The following LRRFIP1 variants were observed in gnomAD, a reference collection of about 807,000 sequenced individuals.
LRRFIP1 encodes leucine-rich repeat flightless-interacting protein 1.
LRRFIP1 carries 62 observed loss-of-function variants against 104.4 expected under a neutral mutation model. That is an observed-to-expected ratio of 0.59 (90% CI 0.48 to 0.73). The LOEUF is 0.73. Ranked by LOEUF, LRRFIP1 falls within the 30% of genes least tolerant of loss-of-function variation. The pLI, the probability that LRRFIP1 is intolerant of heterozygous loss-of-function variation, is 0.00. For synonymous variants in LRRFIP1, 300 were observed against 299.0 expected (o/e 1.00, Z -0.03); for missense variants, 796 against 824.5 (o/e 0.97, Z 0.42).
chr2:237,750,683 G>A (rs1194770036), intron 13 of LRRFIP1, among the ~76,000 whole-genome samples: 1 of 152,092 alleles, frequency 6.6e-6, no homozygotes, highest in Admixed American at 6.5e-5. Flanking sequence ...CGGCAGTCCT[G>A]ATGTTTCTCT....
Position 237,751,232 on chromosome 2 carries a change from T to A in LRRFIP1, c.828T>A (p.Asp276Glu). 3 of 1,610,794 alleles carry A rather than the reference T, an allele frequency of 1.9e-6. No individual in the cohort carries two copies. The highest frequency in any genetic ancestry group is 2.5e-6 in the Non-Finnish European group (3 of 1,178,576). The change falls in exon 14 of 24, where the codon GAT becomes GAA. Residue 276 changes from aspartate (D) to glutamate (E), a missense_variant. By Grantham distance (45) the Asp-to-Glu change is conservative. Coordinates refer to ENST00000308482, the MANE Select transcript of LRRFIP1 (RefSeq NM_001137550.2). ...ELNELKDQIQ[D>E]VEGKYMQGLK... ...ATGAGTTAAAGGACCAGATTCAGGATGTAGAAGGCAAATACATGCAGGGAT... is the reference window on the plus strand; with the variant it reads ...ATGAGTTAAAGGACCAGATTCAGGAAGTAGAAGGCAAATACATGCAGGGAT...
intron 11 of LRRFIP1, among the ~76,000 whole-genome samples, chr2:237,742,721 A>T (rs1370034289): frequency 2.0e-5 from 3 of 152,192 alleles, no homozygotes; most frequent in Non-Finnish European, 4.4e-5. Flanking sequence ...GGCCTTGTTG[A>T]TGGGAAGAAG....
chr2:237,776,313 T>C (rs1035626375), intron 23 of LRRFIP1, among the ~76,000 whole-genome samples: 3 of 152,232 alleles, frequency 2.0e-5, no homozygotes, highest in Admixed American at 1.3e-4. Flanking sequence ...GTCCCTGTTA[T>C]ACCTGGTCTT....
rs1446128370 is a variant in LRRFIP1 at position 237,720,760 on chromosome 2, T to G, written c.295-12T>G. The G allele has an allele frequency of 6.2e-7, 1 of 1,613,436 alleles. No individual in the cohort carries two copies. The highest frequency in any genetic ancestry group is 1.3e-5 in the African/African-American group (1 of 74,916). On this transcript the variant is annotated splice_polypyrimidine_tract_variant and intron_variant, in intron 5 of 23. Coordinates refer to ENST00000308482, the MANE Select transcript of LRRFIP1 (RefSeq NM_001137550.2). ...ATTCCTTCACGGTTGTTCTCGTCCT[T>G]TCTTTTAATAGGCTTCTGATGAAGA...
chr2:237,778,809 C>T (rs1011753602), intron 23 of LRRFIP1, among the ~76,000 whole-genome samples: 10 of 151,850 alleles, frequency 6.6e-5, no homozygotes, highest in African/African-American at 1.7e-4. Flanking sequence ...CTCAGCTACT[C>T]AGGAGGCTGA....
chr2:237,738,933 G>A (rs1315069630), intron 10 of LRRFIP1, among the ~76,000 whole-genome samples: 5 of 152,222 alleles, frequency 3.3e-5, no homozygotes, highest in African/African-American at 1.2e-4. Flanking sequence ...GTGACTTTCT[G>A]TGTCTACACT....
intron 1 of LRRFIP1, among the ~76,000 whole-genome samples, chr2:237,700,423 A>G (rs2093451626): frequency 6.6e-6 from 1 of 152,198 alleles, no homozygotes; most frequent in Non-Finnish European, 1.5e-5. Context: ...CTTGAATTAC[A>G]TCCTTAACAC....
chr2:237,755,130 T>C (rs574314607), intron 15 of LRRFIP1, among the ~76,000 whole-genome samples: 1 of 152,278 alleles, frequency 6.6e-6, no homozygotes, highest in South Asian at 2.1e-4. Flanking sequence ...CAAAGTGAGT[T>C]GGGTCTCAGG....
intron 11 of LRRFIP1, among the ~76,000 whole-genome samples, chr2:237,744,184 G>A (rs754218220): frequency 8.5e-5 from 13 of 152,176 alleles, no homozygotes; most frequent in Admixed American, 2.6e-4. Context: ...ACCAAAAACC[G>A]TCACCCTAGT....
intron 8 of LRRFIP1, chr2:237,729,947 T>G: frequency 4.2e-6 from 2 of 472,018 alleles, no homozygotes; most frequent in Non-Finnish European, 5.5e-6. Flanking sequence ...TTTCGGTGTC[T>G]GTTTGACGGA....
chr2:237,711,786 A>C lies in LRRFIP1; in HGVS notation c.184-2473A>C, dbSNP rs1177456055. ...TGAGGACACCGAGTGAAGCAGCTCT[A>C]CCGGGGGGTGGGGAAGCCACTCCTT... is the stretch of plus-strand genomic sequence containing the variant. On this transcript the variant is annotated intron_variant, in intron 2 of 23. Coordinates refer to ENST00000308482, the MANE Select transcript of LRRFIP1 (RefSeq NM_001137550.2). The surrounding 1 kb of genome is among the most constrained non-coding windows in gnomAD (Gnocchi z 4.4). 1.8e-4 allele frequency among the ~76,000 whole-genome samples: 28 copies of C among 152,022 alleles called. No homozygotes were observed. Among genetic ancestry groups the C allele is most frequent in the Admixed American group, 1.8e-3 (28 of 15,276 alleles).
At chr2:237,715,314 G>A (rs1453756025) in intron 3 of LRRFIP1, among the ~76,000 whole-genome samples, 1 of 152,172 alleles carries the variant, frequency 6.6e-6, no homozygotes, top group Non-Finnish European at 1.5e-5. Flanking sequence ...TGCAGCTGGA[G>A]TTCCTGGTCG....
Position 237,631,033 on chromosome 2 carries a change from G to C in LRRFIP1, c.96+3293G>C, listed in dbSNP as rs544951356. ...TAGGGGCTCAGTGCCTGTGGCAAAGGGGGGTGGGTCTACCCTGTGACCTGT... is the reference window on the plus strand; with the variant it reads ...TAGGGGCTCAGTGCCTGTGGCAAAGCGGGGTGGGTCTACCCTGTGACCTGT... On this transcript the variant is annotated intron_variant, in intron 1 of 23. Coordinates refer to ENST00000308482, the MANE Select transcript of LRRFIP1 (RefSeq NM_001137550.2). Among the ~76,000 whole-genome samples the C allele has an allele frequency of 2.6e-5, 4 of 152,356 alleles. No homozygotes were observed. In the South Asian group the frequency reaches 6.2e-4, roughly 24 times the overall value.
intron 1 of LRRFIP1, among the ~76,000 whole-genome samples, chr2:237,679,957 T>C (rs911375341): frequency 6.6e-6 from 1 of 152,114 alleles, no homozygotes; most frequent in Non-Finnish European, 1.5e-5. Context: ...CAATGTTGCA[T>C]GTAGGAATAA....
In LRRFIP1 at chr2:237,726,594, C is replaced by T. The variant is rs112683905; in HGVS notation, c.385-1282C>T. Among the ~76,000 whole-genome samples, 370 of 152,252 alleles carry T rather than the reference C, an allele frequency of 2.4e-3. 5 individuals are homozygous for T. The highest frequency in any genetic ancestry group is 8.6e-3 in the African/African-American group (357 of 41,538). Reference sequence around the variant, plus strand: ...GTATTTATTATTATGCACATTTTCACGGCTGAGAAAACAGATGTTCAAGTG... The same window carrying T: ...GTATTTATTATTATGCACATTTTCATGGCTGAGAAAACAGATGTTCAAGTG... On this transcript the variant is annotated intron_variant, in intron 7 of 23. Transcript: ENST00000308482.
At position 237,661,214 on chromosome 2, in the gene LRRFIP1, A is replaced by G. The variant is rs1341939702; in HGVS notation, c.96+33474A>G. ...ATCCTGGGCAGAAGCCCCTGAAGTG[A>G]TTGAGCTGTTTCCTGGGCCCTCTGA... On this transcript the variant is annotated intron_variant, in intron 1 of 23. Transcript: ENST00000308482. This position sits in a 1 kb window ranked among gnomAD's most constrained non-coding sequence, Gnocchi z 4.4. 6.6e-6 allele frequency among the ~76,000 whole-genome samples: 1 copy of G among 152,152 alleles called. No individual in the cohort carries two copies. The highest frequency in any genetic ancestry group is 1.5e-5 in the Non-Finnish European group (1 of 68,018).
Position 237,698,206 on chromosome 2 carries a change from A to G in LRRFIP1, c.97-10338A>G, listed in dbSNP as rs57789900. 9.7e-3 allele frequency among the ~76,000 whole-genome samples: 1,482 copies of G among 152,310 alleles called. 29 individuals carry two copies. Among genetic ancestry groups the G allele is most frequent in the African/African-American group, 0.033 (1,388 of 41,546 alleles). ...GCAAAACAGACACAGTCTGTGGACAATCTCAGTGTACAAATAATTCACCTC... is the reference window on the plus strand; with the variant it reads ...GCAAAACAGACACAGTCTGTGGACAGTCTCAGTGTACAAATAATTCACCTC... On this transcript the variant is annotated intron_variant, in intron 1 of 23. Coordinates refer to ENST00000308482, the MANE Select transcript of LRRFIP1 (RefSeq NM_001137550.2).
rs1387668408 is a variant in LRRFIP1 at position 237,723,631 on chromosome 2, G to A, written c.384+45G>A. 19 of 1,607,942 alleles carry A rather than the reference G, an allele frequency of 1.2e-5. No homozygotes were observed. The East Asian group carries it at 4.0e-4, about 34-fold the overall frequency. Reference sequence around the variant, plus strand: ...TTTGCTGTGTGACCTTAACTGTGTGGTGTGACCATAATAACCTGTGGTATT... The same window carrying A: ...TTTGCTGTGTGACCTTAACTGTGTGATGTGACCATAATAACCTGTGGTATT... On this transcript the variant is annotated intron_variant, in intron 7 of 23. Coordinates refer to ENST00000308482, the MANE Select transcript of LRRFIP1 (RefSeq NM_001137550.2).
At chr2:237,749,150 G>A in intron 12 of LRRFIP1, 49 bp from the exon 13 acceptor site, 1 of 1,581,176 alleles carries the variant, frequency 6.3e-7, no homozygotes, top group Non-Finnish European at 8.6e-7. Flanking sequence ...GATTTGGGTG[G>A]GGACACAGAG....
Sources: gnomAD v4.1 joint callset for allele counts (sites outside exome capture counted in the v4.1 genomes callset) on GRCh38, gnomAD v4.1.1 for gene constraint, Gnocchi (gnomAD v3.1) non-coding constraint, MANE v1.5 for transcripts, NCBI Gene and HGNC (gene_info 2026-07-23, HGNC 2026-07-21) for gene names.